The following SPOCK1 variants were observed in gnomAD, a reference collection of about 807,000 sequenced individuals.
SPOCK1 encodes the protein testican-1.
A neutral mutation model predicts 55.3 loss-of-function variants in SPOCK1; 23 were observed. The observed-to-expected ratio is 0.42, with a 90% CI of 0.30 to 0.59. The LOEUF (loss-of-function observed/expected upper bound fraction) is 0.59, where lower values mean the gene tolerates loss of function less well. Among genes scored for constraint, SPOCK1 ranks in the 20% least tolerant of loss-of-function variants. The pLI, the probability that SPOCK1 is intolerant of heterozygous loss-of-function variation, is 0.22. For missense variants in SPOCK1, 499 were observed against 552.5 expected, an observed-to-expected ratio of 0.90 and a Z score of 0.97; for synonymous variants, 226 against 221.0, an observed-to-expected ratio of 1.02 and a Z score of -0.20.
intron 3 of SPOCK1, among the ~76,000 whole-genome samples, chr5:137,160,329 T>C (rs567459475): frequency 1.3e-4 from 16 of 124,288 alleles, no homozygotes; most frequent in Middle Eastern, 3.5e-3. Context: ...ATAATATATA[T>C]ATTATATATA....
At chr5:137,010,754 C>T (rs1751333963) in intron 6 of SPOCK1, among the ~76,000 whole-genome samples, 1 of 152,148 alleles carries the variant, frequency 6.6e-6, no homozygotes, top group African/African-American at 2.4e-5. Flanking sequence ...ATCACGCCAA[C>T]ATCCCTTGCC....
At chr5:137,102,738 T>A (rs191916780) in intron 5 of SPOCK1, among the ~76,000 whole-genome samples, 1 of 152,364 alleles carries the variant, frequency 6.6e-6, no homozygotes. Context: ...AAAAAAGTTG[T>A]ATAGCTTCAG....
chr5:137,436,377 T>C (rs544497254), intron 2 of SPOCK1, among the ~76,000 whole-genome samples: 1 of 152,246 alleles, frequency 6.6e-6, no homozygotes, highest in Admixed American at 6.5e-5. Context: ...ACTTAGAATA[T>C]ATTAAATAAT....
intron 2 of SPOCK1, among the ~76,000 whole-genome samples, chr5:137,428,315 GAC>G (rs776959501): frequency 9.2e-5 from 14 of 152,244 alleles, no homozygotes; most frequent in African/African-American, 3.4e-4. Context: ...AGGTTTCTGA[GAC>G]ACAGTCACAT....
At chr5:137,198,402 A>C (rs1755345678) in intron 3 of SPOCK1, among the ~76,000 whole-genome samples, 1 of 152,264 alleles carries the variant, frequency 6.6e-6, no homozygotes, top group Non-Finnish European at 1.5e-5. Context: ...TTATACCTCC[A>C]TGCTTTCTAG....
chr5:137,457,468 T>C (rs1374214069), intron 2 of SPOCK1, among the ~76,000 whole-genome samples: 1 of 151,252 alleles, frequency 6.6e-6, no homozygotes, highest in African/African-American at 2.4e-5. Context: ...ACGCCAAGAA[T>C]CATGGAGCCT....
chr5:137,401,328 A>G (rs1489300856), intron 2 of SPOCK1, among the ~76,000 whole-genome samples: 4 of 152,202 alleles, frequency 2.6e-5, no homozygotes, highest in Non-Finnish European at 5.9e-5. Context: ...GCTAAAATTT[A>G]CTAAGTGCTT....
Position 137,148,885 on chromosome 5 carries a change from G to A in SPOCK1, c.233-8191C>T, listed in dbSNP as rs370659957. On this transcript the variant is annotated intron_variant, in intron 3 of 10. Transcript: ENST00000394945. The stretch of plus-strand genomic sequence containing the variant: ...CACTAATGAAAATAACTTCTGATGG[G>A]GATAAAGGTGATGATTAAAGTGTCA... 1.4e-4 allele frequency among the ~76,000 whole-genome samples: 21 copies of A among 152,076 alleles called. No individual in the cohort carries two copies. The East Asian group carries it at 3.9e-3, about 28-fold the overall frequency.
intron 2 of SPOCK1, among the ~76,000 whole-genome samples, chr5:137,366,483 C>G (rs1034169395): frequency 2.6e-5 from 4 of 152,090 alleles, no homozygotes; most frequent in Non-Finnish European, 5.9e-5. Flanking sequence ...ACCACCCCAC[C>G]AAAAAGTGAC....
At chr5:137,424,567 G>A (rs1489138994) in intron 2 of SPOCK1, among the ~76,000 whole-genome samples, 23 of 152,108 alleles carry the variant, frequency 1.5e-4, no homozygotes, top group Admixed American at 1.4e-3. Context: ...GAATGCTCAT[G>A]ACAACCCTAC....
At chr5:136,978,989 T>C in intron 10 of SPOCK1, 145 bp from the exon 11 acceptor site, 1 of 878,956 alleles carries the variant, frequency 1.1e-6, no homozygotes, top group Non-Finnish European at 1.7e-6. Flanking sequence ...GAGGTGAGTC[T>C]TCAGGGCATA....
intron 6 of SPOCK1, among the ~76,000 whole-genome samples, chr5:137,066,987 C>CACAG (rs1343691789): frequency 1.3e-4 from 18 of 139,588 alleles, no homozygotes; most frequent in African/African-American, 3.9e-4. Flanking sequence ...CACACACACA[C>CACAG]AGAGAGAGAG....
chr5:136,978,799 A>T lies in SPOCK1; in HGVS notation c.1175T>A (p.Val392Glu). The T allele has an allele frequency of 6.2e-7, 1 of 1,613,746 alleles. No homozygotes were observed. Among genetic ancestry groups the T allele is most frequent in the Non-Finnish European group, 8.5e-7 (1 of 1,179,884 alleles). Residue 392 changes from valine to glutamate, a missense_variant, in exon 11 of 11, where the codon GTG (valine) becomes GAG (glutamate). Physicochemically the swap from Val to Glu is moderately radical, Grantham distance 121. Around this residue, in one of 3 missense-constraint regions of SPOCK1, gnomAD observed 83 missense variants for 87.5 expected, o/e 0.95. Coordinates refer to ENST00000394945, the MANE Select transcript of SPOCK1 (RefSeq NM_004598.4). ...TSGDFGSGGS[V>E]VLLDDLEYER... ...ATATTCTAGGTCATCCAGCAGGACC[A>T]CGGACCCACCACTGCCAAAATCCCC...
At chr5:137,091,748 G>A (rs1753057983) in intron 5 of SPOCK1, among the ~76,000 whole-genome samples, 1 of 152,096 alleles carries the variant, frequency 6.6e-6, no homozygotes, top group African/African-American at 2.4e-5. Context: ...CCAGAGCTGG[G>A]CACAAAGCCT....
At chr5:137,211,414 G>C (rs1050620055) in intron 3 of SPOCK1, among the ~76,000 whole-genome samples, 1 of 152,144 alleles carries the variant, frequency 6.6e-6, no homozygotes, top group Non-Finnish European at 1.5e-5. Flanking sequence ...ATTTGGTCTC[G>C]GCCCCTGGTT....
intron 3 of SPOCK1, among the ~76,000 whole-genome samples, chr5:137,234,460 A>C (rs1365793839): frequency 2.6e-5 from 4 of 152,080 alleles, no homozygotes; most frequent in Admixed American, 2.0e-4. Context: ...CACTTTCATC[A>C]TTCTCTTTTG....
At chr5:137,236,307 G>A (rs780829794) in intron 3 of SPOCK1, among the ~76,000 whole-genome samples, 14 of 152,240 alleles carry the variant, frequency 9.2e-5, no homozygotes, top group African/African-American at 1.2e-4. Flanking sequence ...GCTGTCTGCC[G>A]GCATGCACAC....
At chr5:137,401,897 C>T (rs1015678595) in intron 2 of SPOCK1, among the ~76,000 whole-genome samples, 1 of 152,126 alleles carries the variant, frequency 6.6e-6, no homozygotes, top group African/African-American at 2.4e-5. Flanking sequence ...TCCTTGGGTC[C>T]CTGCATCTCT....
At chr5:137,324,764 T>A (rs1020288280) in intron 2 of SPOCK1, among the ~76,000 whole-genome samples, 1 of 151,780 alleles carries the variant, frequency 6.6e-6, no homozygotes, top group Non-Finnish European at 1.5e-5. Flanking sequence ...GTAGCTTTCA[T>A]GTTATTTGTT....
Sources: allele counts gnomAD v4.1 joint callset (sites outside exome capture counted in the v4.1 genomes callset), GRCh38; gene constraint gnomAD v4.1.1; regional missense constraint gnomAD v4.1.1; transcripts MANE v1.5; gene names NCBI Gene and HGNC (gene_info 2026-07-23, HGNC 2026-07-21).